Variants in FGGY observed in about 807,000 individuals in gnomAD.
The protein encoded by FGGY is FGGY carbohydrate kinase domain containing, also known as FGGY carbohydrate kinase domain-containing protein.
FGGY carries 72 observed loss-of-function variants against 71.3 expected under a neutral mutation model. The ratio of observed to expected loss-of-function variants is 1.01; its 90% CI spans 0.84 to 1.23. The LOEUF (loss-of-function observed/expected upper bound fraction) is 1.23, where lower values mean the gene tolerates loss of function less well. FGGY is among the 50% of genes most tolerant of loss of function. The pLI is 0.00. For missense variants in FGGY, 668 were observed against 682.3 expected, an observed-to-expected ratio of 0.98 and a Z score of 0.23; for synonymous variants, 251 against 250.3, an observed-to-expected ratio of 1.00 and a Z score of -0.02.
intron 1 of FGGY, among the ~76,000 whole-genome samples, chr1:59,320,562 G>C (rs561340508): frequency 6.6e-6 from 1 of 152,286 alleles, no homozygotes; most frequent in East Asian, 1.9e-4. Flanking sequence ...TGACCAAAGG[G>C]ACTTAGAGCA....
intron 8 of FGGY, among the ~76,000 whole-genome samples, chr1:59,585,545 TA>T (rs1416928039): frequency 1.3e-5 from 2 of 152,176 alleles, no homozygotes; most frequent in Non-Finnish European, 2.9e-5. Flanking sequence ...ACTTAAATGT[TA>T]GACCTGAAAC....
intron 4 of FGGY, among the ~76,000 whole-genome samples, chr1:59,369,378 C>G (rs1045085364): frequency 6.6e-6 from 1 of 152,184 alleles, no homozygotes; most frequent in Non-Finnish European, 1.5e-5. Context: ...CCGCCATTGC[C>G]CAGGCTTGCT....
rs180825367 is a variant in FGGY at position 59,582,694 on chromosome 1, C to T, written c.904-25109C>T. On this transcript the variant is annotated intron_variant, in intron 8 of 15. Transcript: ENST00000303721. ...TCCATGGTACATACCTGTCATGGTG[C>T]GTATCCTTCTGTGTTTGTTGTTAGT... Among the ~76,000 whole-genome samples, 12 of 150,150 alleles carry T rather than the reference C, an allele frequency of 8.0e-5. No homozygotes were observed. In the East Asian group the frequency reaches 2.1e-3, roughly 27 times the overall value.
At chr1:59,427,246 G>A (rs2153454248) in intron 5 of FGGY, among the ~76,000 whole-genome samples, 1 of 152,316 alleles carries the variant, frequency 6.6e-6, no homozygotes, top group East Asian at 1.9e-4. Context: ...GCGCCTCCCT[G>A]TCTGGTGACA....
At chr1:59,518,825 C>T (rs905026951) in intron 7 of FGGY, among the ~76,000 whole-genome samples, 2 of 152,224 alleles carry the variant, frequency 1.3e-5, no homozygotes, top group African/African-American at 4.8e-5. Context: ...CCAATTAAAA[C>T]TCTGTCTTCT....
At chr1:59,645,679 C>T (rs542158602) in intron 11 of FGGY, among the ~76,000 whole-genome samples, 13 of 152,234 alleles carry the variant, frequency 8.5e-5, no homozygotes, top group East Asian at 5.8e-4. Context: ...ATTGGCGTGG[C>T]CTTTGTTTTG....
chr1:59,346,947 C>CTTTTTTTTTTTTTTTTTT (rs71580898), intron 4 of FGGY, among the ~76,000 whole-genome samples: 1 of 112,190 alleles, frequency 8.9e-6, no homozygotes, highest in Non-Finnish European at 1.9e-5. Flanking sequence ...AAAATCAATT[C>CTTTTTTTTTTTTTTTTTT]TTTTTTTTTT....
intron 3 of FGGY, among the ~76,000 whole-genome samples, chr1:59,340,511 A>G (rs1259005532): frequency 2.6e-5 from 4 of 152,322 alleles, no homozygotes; most frequent in African/African-American, 9.6e-5. Flanking sequence ...GCCATGTGAC[A>G]GATAGAAGGT....
At chr1:59,670,748 T>C (rs2097370345) in intron 13 of FGGY, among the ~76,000 whole-genome samples, 1 of 151,958 alleles carries the variant, frequency 6.6e-6, no homozygotes, top group Admixed American at 6.6e-5. Context: ...ATTTTGAAAG[T>C]GAATCTTTGC....
intron 5 of FGGY, among the ~76,000 whole-genome samples, chr1:59,428,104 G>A (rs1379813541): frequency 1.3e-5 from 2 of 152,198 alleles, no homozygotes; most frequent in African/African-American, 4.8e-5. Flanking sequence ...CTGCTATTAT[G>A]AGACTTGATG....
intron 5 of FGGY, among the ~76,000 whole-genome samples, chr1:59,424,650 C>T (rs560915575): frequency 1.6e-4 from 24 of 152,254 alleles, no homozygotes; most frequent in African/African-American, 4.8e-4. Flanking sequence ...TTTCATGTGT[C>T]GATTTTTGAT....
chr1:59,652,840 A>G (rs2097178127), intron 11 of FGGY, among the ~76,000 whole-genome samples: 1 of 151,716 alleles, frequency 6.6e-6, no homozygotes, highest in Non-Finnish European at 1.5e-5. Flanking sequence ...TGCGTTTTAG[A>G]TTTTCCAGTT....
chr1:59,356,453 C>T (rs992072303), intron 4 of FGGY, among the ~76,000 whole-genome samples: 2 of 152,146 alleles, frequency 1.3e-5, no homozygotes, highest in Non-Finnish European at 2.9e-5. Flanking sequence ...AGGAAGCCTT[C>T]CTTGACTTAG....
At chr1:59,493,592 C>G (rs2093945478) in intron 6 of FGGY, among the ~76,000 whole-genome samples, 1 of 151,924 alleles carries the variant, frequency 6.6e-6, no homozygotes, top group Non-Finnish European at 1.5e-5. Flanking sequence ...TAGTCAGATT[C>G]ATAGAGATAG....
At chr1:59,303,029 A>G (rs1160719020) in intron 1 of FGGY, among the ~76,000 whole-genome samples, 1 of 152,192 alleles carries the variant, frequency 6.6e-6, no homozygotes, top group African/African-American at 2.4e-5. Context: ...TAAAAATTGT[A>G]CATGCTCAAG....
intron 5 of FGGY, among the ~76,000 whole-genome samples, chr1:59,409,996 C>G (rs576071449): frequency 1.3e-5 from 2 of 152,206 alleles, no homozygotes; most frequent in African/African-American, 4.8e-5. Context: ...TAGGTGACAC[C>G]AGGATTTGAG....
At chr1:59,742,228 C>T (rs147600823) in intron 14 of FGGY, among the ~76,000 whole-genome samples, 1 of 152,320 alleles carries the variant, frequency 6.6e-6, no homozygotes, top group African/African-American at 2.4e-5. Flanking sequence ...ACCCCTGCCT[C>T]CTTAACTAAG....
chr1:59,453,056 A>G (rs536830124), intron 5 of FGGY, among the ~76,000 whole-genome samples: 23 of 152,226 alleles, frequency 1.5e-4, no homozygotes, highest in Non-Finnish European at 3.1e-4. Context: ...CACTAATAAT[A>G]TGAACAAAGT....
At chr1:59,346,132 T>C in intron 3 of FGGY, 115 bp from the exon 4 acceptor site, 1 of 1,335,418 alleles carries the variant, frequency 7.5e-7, no homozygotes, top group East Asian at 2.4e-5. Context: ...ACACTCTTGA[T>C]ACATAAAATT....
Sources: allele counts gnomAD v4.1 joint callset (sites outside exome capture counted in the v4.1 genomes callset), GRCh38; gene constraint gnomAD v4.1.1; transcripts MANE v1.5; gene names NCBI Gene and HGNC (gene_info 2026-07-23, HGNC 2026-07-21).